FYB2: variants seen among roughly 807,000 people sequenced by gnomAD.
The protein encoded by FYB2 is FYN-binding protein 2.
FYB2 carries 103 observed loss-of-function variants against 94.1 expected under a neutral mutation model. The ratio of observed to expected loss-of-function variants is 1.09; its 90% CI spans 0.93 to 1.29. The LOEUF (loss-of-function observed/expected upper bound fraction) is 1.29, where lower values mean the gene tolerates loss of function less well. FYB2 is among the 50% of genes most tolerant of loss of function. The pLI is 0.00. For missense variants in FYB2, 896 were observed against 841.5 expected (o/e 1.06, Z -0.80); for synonymous variants, 293 against 287.9 (o/e 1.02, Z -0.18).
intron 1 of FYB2, among the ~76,000 whole-genome samples, chr1:56,814,621 T>C (rs1344896537): frequency 3.3e-5 from 5 of 152,136 alleles, no homozygotes; most frequent in Admixed American, 2.0e-4. Context: ...TTGTGACTAA[T>C]TGTGTGATCT....
Position 56,792,525 on chromosome 1 carries a change from A to G in FYB2, c.288T>C (p.Pro96=), listed in dbSNP as rs769254014. The change falls in exon 2 of 20, where the codon CCT becomes CCC. Residue 96 remains proline, a synonymous_variant. Coordinates refer to ENST00000343433, the MANE Select transcript of FYB2 (RefSeq NM_001004303.5). The part of the protein sequence containing the change: ...EIPKCSNSPG[P]LGKSTVCSAT... ...CAGAACATACAGTAGACTTTCCCAG[A>G]GGCCCTGGGGAGTTAGAACATTTTG... 1.2e-6 allele frequency: 2 copies of G among 1,614,176 alleles called. No individual in the cohort carries two copies. The highest frequency in any genetic ancestry group is 1.7e-6 in the Non-Finnish European group (2 of 1,180,014).
intron 5 of FYB2, among the ~76,000 whole-genome samples, chr1:56,766,507 C>T (rs111540197): frequency 2.0e-5 from 3 of 151,902 alleles, no homozygotes; most frequent in Non-Finnish European, 4.4e-5. Flanking sequence ...GATCTCGGCT[C>T]ATTGCAAGCT....
intron 9 of FYB2, among the ~76,000 whole-genome samples, chr1:56,749,948 T>G (rs1182742790): frequency 6.6e-6 from 1 of 152,058 alleles, no homozygotes; most frequent in Non-Finnish European, 1.5e-5. Flanking sequence ...CACTTTGTTT[T>G]AGTCAAGAGA....
At chr1:56,811,405 C>G (rs1474531965) in intron 1 of FYB2, among the ~76,000 whole-genome samples, 1 of 152,192 alleles carries the variant, frequency 6.6e-6, no homozygotes, top group East Asian at 1.9e-4. Context: ...GCCAGCTTAT[C>G]TAATTATGTG....
At chr1:56,818,538 C>T (rs1017895714) in intron 1 of FYB2, among the ~76,000 whole-genome samples, 7 of 150,668 alleles carry the variant, frequency 4.6e-5, no homozygotes, top group African/African-American at 7.3e-5. Flanking sequence ...TTACTGAAGA[C>T]GGAAATAGAG....
intron 15 of FYB2, among the ~76,000 whole-genome samples, chr1:56,734,183 C>A (rs1484174132): frequency 1.3e-5 from 2 of 152,014 alleles, no homozygotes; most frequent in Non-Finnish European, 2.9e-5. Flanking sequence ...TTCTTTGTGT[C>A]TTTTGATCTT....
intron 1 of FYB2, among the ~76,000 whole-genome samples, chr1:56,795,180 T>G (rs188257558): frequency 6.6e-6 from 1 of 152,092 alleles, no homozygotes; most frequent in East Asian, 1.9e-4. Context: ...TTCTACACTC[T>G]GTCTCTGAAT....
chr1:56,757,715 TTTCTTTCTTTCTTTCTTTCA>T (rs71048447), intron 6 of FYB2, among the ~76,000 whole-genome samples: 7,277 of 101,362 alleles, frequency 0.072, 245 homozygotes, highest in East Asian at 0.091. Context: ...TCTTTCTTTC[TTTCTTTCTTTCTTTCTTTCA>T]TTCTTTCTTT....
chr1:56,785,379 G>A (rs1646110262), intron 4 of FYB2, among the ~76,000 whole-genome samples: 1 of 152,152 alleles, frequency 6.6e-6, no homozygotes, highest in Admixed American at 6.5e-5. Flanking sequence ...TGTCATACTG[G>A]GACCTATGTT....
intron 1 of FYB2, among the ~76,000 whole-genome samples, chr1:56,804,605 A>T (rs1463838597): frequency 6.6e-6 from 1 of 152,000 alleles, no homozygotes; most frequent in Non-Finnish European, 1.5e-5. Flanking sequence ...CGGTACATGC[A>T]TGTAGTCCCA....
chr1:56,720,553 T>C (rs371023677), intron 17 of FYB2: 4 of 357,160 alleles, frequency 1.1e-5, no homozygotes, highest in African/African-American at 4.2e-5. Context: ...TTGGTATGAT[T>C]ATACTTTCAA....
At chr1:56,796,961 T>C (rs1646415058) in intron 1 of FYB2, among the ~76,000 whole-genome samples, 1 of 152,062 alleles carries the variant, frequency 6.6e-6, no homozygotes, top group Non-Finnish European at 1.5e-5. Context: ...CTTTCAGAAC[T>C]CAGAAAATGA....
intron 5 of FYB2, among the ~76,000 whole-genome samples, chr1:56,763,952 TA>T (rs1645562227): frequency 6.6e-6 from 1 of 150,706 alleles, no homozygotes. Flanking sequence ...ATATTATGTC[TA>T]TTTTTTTTTT....
intron 4 of FYB2, among the ~76,000 whole-genome samples, chr1:56,768,844 C>T (rs1157930189): frequency 6.6e-6 from 1 of 151,650 alleles, no homozygotes; most frequent in East Asian, 1.9e-4. Context: ...TTTTAGTATT[C>T]CAAGAAATAA....
chr1:56,778,208 T>G (rs1485492243), intron 4 of FYB2, among the ~76,000 whole-genome samples: 1 of 152,178 alleles, frequency 6.6e-6, no homozygotes, highest in Non-Finnish European at 1.5e-5. Context: ...CTCTGTCCCC[T>G]TTGGCAAGGC....
At chr1:56,737,000 A>G (rs1349905655) in intron 15 of FYB2, 87 bp downstream of exon 15, 1 of 1,036,726 alleles carries the variant, frequency 9.6e-7, no homozygotes, top group East Asian at 2.5e-5. Context: ...CAAGGATCTG[A>G]AAAGATGGTT....
Position 56,787,197 on chromosome 1 carries a change from C to G in FYB2, c.931G>C (p.Glu311Gln). Residue 311 changes from glutamate to glutamine, a missense_variant, in exon 4 of 20, where the codon GAG becomes CAG. Transcript: ENST00000343433. ...TACCTCTCTGGAGACAGGGAGCCCT[C>G]TTCCACAGTCACTGCAAGAGAAAGA... is the stretch of plus-strand genomic sequence containing the variant. ...PKTQGEVTVEEGSLSPERLFN... is the reference protein window; with the variant it reads ...PKTQGEVTVEQGSLSPERLFN... The G allele has an allele frequency of 6.2e-7, 1 of 1,613,970 alleles. No individual in the cohort carries two copies. The highest frequency in any genetic ancestry group is 8.5e-7 in the Non-Finnish European group (1 of 1,179,876).
At chr1:56,783,591 G>T (rs181421155) in intron 4 of FYB2, among the ~76,000 whole-genome samples, 1,549 of 152,248 alleles carry the variant, frequency 0.01, 23 homozygotes, top group Non-Finnish European at 0.014. Context: ...GATGTCTGTT[G>T]TACCAAAGAG....
chr1:56,766,870 TGAA>T (rs1357232301), intron 5 of FYB2, among the ~76,000 whole-genome samples: 1 of 152,186 alleles, frequency 6.6e-6, no homozygotes, highest in Non-Finnish European at 1.5e-5. Flanking sequence ...GTCTATACAA[TGAA>T]GAAGTTTTTA....
Sources: gnomAD v4.1 joint callset for allele counts (sites outside exome capture counted in the v4.1 genomes callset) on GRCh38, gnomAD v4.1.1 for gene constraint, MANE v1.5 for transcripts, NCBI Gene and HGNC (gene_info 2026-07-23, HGNC 2026-07-21) for gene names.